PAOX: variants seen among roughly 807,000 people sequenced by gnomAD.
PAOX encodes polyamine oxidase, also known as peroxisomal N(1)-acetyl-spermine/spermidine oxidase.
A neutral mutation model predicts 39.0 loss-of-function variants in PAOX; 38 were observed. The ratio of observed to expected loss-of-function variants is 0.97; its 90% confidence interval spans 0.75 to 1.28. PAOX has a LOEUF of 1.28. PAOX is among the 50% of genes most tolerant of loss of function. The probability of loss-of-function intolerance (pLI) is 0.00; values close to 1 mark genes in which losing one functional copy is unlikely to be tolerated. For synonymous variants in PAOX, 311 were observed against 314.4 expected, an observed-to-expected ratio of 0.99 and a Z score of 0.11; for missense variants, 667 against 685.7, an observed-to-expected ratio of 0.97 and a Z score of 0.30.
Position 133,391,551 on chromosome 10 carries a change from T to G in PAOX, c.*96T>G. On this transcript the variant is annotated 3_prime_UTR_variant, in exon 7 of 7. Coordinates refer to ENST00000278060, the MANE Select transcript of PAOX (RefSeq NM_152911.4). ...CAGTCTGGCTTGAAATTTGGGGATGTTAATGAGGGTCCTCTGGTTTTTGGT... is the reference window on the plus strand; with the variant it reads ...CAGTCTGGCTTGAAATTTGGGGATGGTAATGAGGGTCCTCTGGTTTTTGGT... 6.8e-7 allele frequency: 1 copy of G among 1,473,648 alleles called. No individual in the cohort carries two copies. Among genetic ancestry groups the G allele is most frequent in the East Asian group, 2.4e-5 (1 of 42,016 alleles). The allele number at this position is 1,473,648 out of a possible 1,614,324, so 91.3% of individuals were successfully genotyped here.
rs1849489848 is a variant in PAOX at position 133,384,782 on chromosome 10, T to C, written c.1121+570T>C. Among the ~76,000 whole-genome samples, 1 of 152,190 alleles carries C rather than the reference T, an allele frequency of 6.6e-6. No individual in the cohort carries two copies. The highest frequency in any genetic ancestry group is 2.4e-5 in the African/African-American group (1 of 41,440). On this transcript the variant is annotated intron_variant, in intron 4 of 6. Transcript: ENST00000278060. This position sits in a 1 kb window ranked among gnomAD's most constrained non-coding sequence, Gnocchi z 4.3. ...ATTAAAACACAAAGACAGCCTGATA[T>C]AGTCAGATGGCAGAAATAATTCCAC...
chr10:133,387,294 A>G (rs1849553781), intron 4 of PAOX, among the ~76,000 whole-genome samples: 1 of 152,156 alleles, frequency 6.6e-6, no homozygotes, highest in Non-Finnish European at 1.5e-5. Flanking sequence ...AATAAAATAT[A>G]TATATATTGG....
In PAOX at chr10:133,384,189, C is replaced by T; in HGVS notation, c.1098C>T (p.Gly366=). The change falls in exon 4 of 7, where the codon GGC becomes GGT. Residue 366 remains glycine (G), a synonymous_variant. Coordinates refer to ENST00000278060, the MANE Select transcript of PAOX (RefSeq NM_152911.4). The surrounding 1 kb of genome is among the most constrained non-coding windows in gnomAD (Gnocchi z 4.3). ...LQDAWFRKLI[G]FVVLPAFASV... is the part of the protein sequence containing the mutation. ...ACGCCTGGTTCCGGAAGCTCATTGG[C>T]TTTGTGGTCCTGCCTGCCTTTGCGT... 2 of 1,613,892 alleles carry T rather than the reference C, an allele frequency of 1.2e-6. No homozygotes were observed. Among genetic ancestry groups the T allele is most frequent in the East Asian group, 2.2e-5 (1 of 44,880 alleles).
At chr10:133,387,442 T>C (rs1399689992) in intron 4 of PAOX, among the ~76,000 whole-genome samples, 1 of 152,256 alleles carries the variant, frequency 6.6e-6, no homozygotes, top group East Asian at 1.9e-4. Flanking sequence ...CAAGCTTTTC[T>C]AAAATTGCAG....
chr10:133,391,006 C>T (rs1294362560), intron 6 of PAOX: 8 of 699,594 alleles, frequency 1.1e-5, no homozygotes, highest in African/African-American at 8.8e-5. Flanking sequence ...GCGTGTGAGC[C>T]GTTTTCCCGC....
Position 133,385,829 on chromosome 10 carries a change from C to T in PAOX, c.1121+1617C>T, listed in dbSNP as rs1361152744. On this transcript the variant is annotated intron_variant, in intron 4 of 6. Coordinates refer to ENST00000278060, the MANE Select transcript of PAOX (RefSeq NM_152911.4). Reference sequence around the variant, plus strand: ...CGATCTCCTGACCTCGTGATCCGCCCGCCTCGGCCTCCCAAAGTGCTGGGA... The same window carrying T: ...CGATCTCCTGACCTCGTGATCCGCCTGCCTCGGCCTCCCAAAGTGCTGGGA... 3.9e-5 allele frequency among the ~76,000 whole-genome samples: 6 copies of T among 152,164 alleles called. No individual in the cohort carries two copies. The East Asian group carries it at 9.7e-4, about 25-fold the overall frequency.
At chr10:133,389,960 TAAC>T (rs1412542410) in intron 6 of PAOX, among the ~76,000 whole-genome samples, 1 of 152,240 alleles carries the variant, frequency 6.6e-6, no homozygotes, top group African/African-American at 2.4e-5. Flanking sequence ...TCTGCAGTGC[TAAC>T]AAAAGAAAAT....
intron 2 of PAOX, among the ~76,000 whole-genome samples, chr10:133,381,005 G>A (rs1235672771): frequency 1.3e-5 from 2 of 152,222 alleles, no homozygotes; most frequent in Non-Finnish European, 2.9e-5. Flanking sequence ...GAAGAGTAAA[G>A]ACTTCTCTTG....
Position 133,389,032 on chromosome 10 carries a change from C to A in PAOX, c.1198C>A (p.Leu400Ile), listed in dbSNP as rs1849598693. The A allele has an allele frequency of 5.6e-6, 9 of 1,614,138 alleles. No individual in the cohort carries two copies. Among genetic ancestry groups the A allele is most frequent in the Middle Eastern group, 1.6e-4 (1 of 6,062 alleles). The part of the protein sequence containing the change: ...FMETLSDEEV[L>I]LCLTQVLRRV... ...GGAGACTCTGTCGGATGAAGAAGTA[C>A]TTCTGTGTCTCACCCAAGTGCTCCG... is the stretch of plus-strand genomic sequence containing the variant. The change falls in exon 5 of 7, where the codon CTT (leucine) becomes ATT (isoleucine). Residue 400 changes from leucine to isoleucine, a missense_variant. Leu to Ile is a conservative substitution (Grantham distance 5). Transcript: ENST00000278060.
In PAOX at chr10:133,384,310, T is replaced by C; in HGVS notation, c.1121+98T>C. 3.3e-6 allele frequency: 5 copies of C among 1,520,808 alleles called. No homozygotes were observed. The highest frequency in any genetic ancestry group is 1.4e-5 in the African/African-American group (1 of 72,462). The allele number at this position is 1,520,808 out of a possible 1,614,324, so 94.2% of individuals were successfully genotyped here. ...GTGTCTGTTCACTGCAGGGTATTTC[T>C]AGGGGGTTTAATGGGTAGGGTTCCC... On this transcript the variant is annotated intron_variant, in intron 4 of 6. Coordinates refer to ENST00000278060, the MANE Select transcript of PAOX (RefSeq NM_152911.4). The surrounding 1 kb of genome is among the most constrained non-coding windows in gnomAD (Gnocchi z 4.3).
Position 133,384,242 on chromosome 10 carries a change from G to A in PAOX, c.1121+30G>A, listed in dbSNP as rs1849477396. The A allele has an allele frequency of 6.2e-7, 1 of 1,607,270 alleles. No individual in the cohort carries two copies. The highest frequency in any genetic ancestry group is 8.5e-7 in the Non-Finnish European group (1 of 1,176,180). ...GTTTGCTCCCTGAGAAGTTCTGCGA[G>A]TGGCTGGCTCATAGGCCTTCATCTG... On this transcript the variant is annotated intron_variant, in intron 4 of 6. Transcript: ENST00000278060. This position sits in a 1 kb window ranked among gnomAD's most constrained non-coding sequence, Gnocchi z 4.3.
chr10:133,390,963 G>A, intron 6 of PAOX: 3 of 701,930 alleles, frequency 4.3e-6, no homozygotes, highest in Non-Finnish European at 7.8e-6. Flanking sequence ...ATTGGTGGAT[G>A]CGTGTGAGCC....
intron 2 of PAOX, among the ~76,000 whole-genome samples, chr10:133,380,919 A>C (rs1467827875): frequency 1.3e-5 from 2 of 152,254 alleles, no homozygotes; most frequent in Admixed American, 6.5e-5. Context: ...CGGAGGTTGC[A>C]GTGAGCCAAG....
intron 4 of PAOX, among the ~76,000 whole-genome samples, chr10:133,388,683 C>T (rs1332029300): frequency 2.0e-5 from 3 of 152,218 alleles, no homozygotes; most frequent in Non-Finnish European, 4.4e-5. Flanking sequence ...CCTTCGGACC[C>T]CCAGGACTTT....
chr10:133,382,807 G>T (rs1389566640), intron 3 of PAOX: 3 of 150,550 alleles, frequency 2.0e-5, no homozygotes, highest in Admixed American at 6.6e-5. Context: ...CCAAAAATCT[G>T]CTGCTCAGTT....
chr10:133,391,369 G>C lies in PAOX; in HGVS notation c.1450G>C (p.Gly484Arg). Residue 484 changes from glycine to arginine, a missense_variant, in exon 7 of 7, where the codon GGG becomes CGG. Coordinates refer to ENST00000278060, the MANE Select transcript of PAOX (RefSeq NM_152911.4). ...TCGCACGTTTTACTCCACGACGCAC[G>C]GGGCTCTGCTGTCGGGATGGAGGGA... Reference protein sequence around the residue: ...THRTFYSTTHGALLSGWREAD... With the variant: ...THRTFYSTTHRALLSGWREAD... 6.2e-7 allele frequency: 1 copy of C among 1,613,478 alleles called. No individual in the cohort carries two copies. The highest frequency in any genetic ancestry group is 8.5e-7 in the Non-Finnish European group (1 of 1,180,038).
At position 133,379,432 on chromosome 10, in the gene PAOX, C is replaced by G. The variant is rs1363294150; in HGVS notation, c.116C>G (p.Pro39Arg). 1.6e-6 allele frequency: 2 copies of G among 1,224,796 alleles called. No individual in the cohort carries two copies. The highest frequency in any genetic ancestry group is 1.0e-6 in the Non-Finnish European group (1 of 983,638). 75.9% of individuals were successfully genotyped at this position (1,224,796 alleles called of 1,614,324 possible). A position where few individuals can be genotyped will look rare whatever the true frequency, so the allele number is the denominator to read the frequency against. ...AQRLCGHSAF[P>R]HLRVLEATAR... ...AGGCTCTGCGGCCACTCCGCCTTCC[C>G]GCACCTGCGGGTCCTGGAGGCCACG... Residue 39 changes from proline (P) to arginine (R), a missense_variant, in exon 1 of 7, where the codon CCG becomes CGG. Pro to Arg is a moderately radical substitution (Grantham distance 103). Transcript: ENST00000278060.
chr10:133,391,169 G>A (rs1849670938), intron 6 of PAOX, 143 bp from the exon 7 acceptor site: 1 of 811,360 alleles, frequency 1.2e-6, no homozygotes, highest in Non-Finnish European at 2.1e-6. Flanking sequence ...GTACACGTGA[G>A]CCCTTTTCTC....
At chr10:133,390,704 C>T in intron 6 of PAOX, 1 of 538,474 alleles carries the variant, frequency 1.9e-6, no homozygotes, top group South Asian at 2.3e-5. Flanking sequence ...GGTCTCTCTT[C>T]AGTGAACCTG....
Sources: gnomAD v4.1 joint callset for allele counts (sites outside exome capture counted in the v4.1 genomes callset) on GRCh38, gnomAD v4.1.1 for gene constraint, Gnocchi (gnomAD v3.1) non-coding constraint, MANE v1.5 for transcripts, NCBI Gene and HGNC (gene_info 2026-07-23, HGNC 2026-07-21) for gene names.